Variants in VILL observed in about 807,000 individuals in gnomAD.
The protein encoded by VILL is villin like.
In VILL, 102 loss-of-function variants were observed where a neutral mutation model predicts 106.3. The ratio of observed to expected loss-of-function variants is 0.96; its 90% confidence interval spans 0.82 to 1.13. The LOEUF (loss-of-function observed/expected upper bound fraction) is 1.13, where lower values mean the gene tolerates loss of function less well. Ranked by LOEUF, VILL falls within the 50% of genes most tolerant of loss-of-function variation. The probability of loss-of-function intolerance (pLI) is 0.00; values close to 1 mark genes in which losing one functional copy is unlikely to be tolerated. For missense variants in VILL, 1,076 were observed against 1,116.6 expected (o/e 0.96, Z 0.52); for synonymous variants, 431 against 440.3 (o/e 0.98, Z 0.27).
intron 15 of VILL, 96 bp from the exon 16 acceptor site, chr3:38,004,159 G>T: frequency 6.6e-7 from 1 of 1,507,296 alleles, no homozygotes; most frequent in Non-Finnish European, 8.9e-7. Flanking sequence ...TCCCACTCCT[G>T]AGAAGTGGCT....
chr3:37,994,615 A>C, intron 4 of VILL, 149 bp downstream of exon 4: 1 of 823,540 alleles, frequency 1.2e-6, no homozygotes, highest in South Asian at 1.8e-5. Flanking sequence ...CTCATACGCC[A>C]TACGATTCAC....
Position 38,002,549 on chromosome 3 carries a change from A to G in VILL, c.1633A>G (p.Ser545Gly), listed in dbSNP as rs1482852028. 3.3e-5 allele frequency: 54 copies of G among 1,613,850 alleles called. No individual in the cohort carries two copies. Among genetic ancestry groups the G allele is most frequent in the Non-Finnish European group, 4.4e-5 (52 of 1,179,860 alleles). The change falls in exon 14 of 20, where the codon AGC becomes GGC. Residue 545 changes from serine (S) to glycine (G), a missense_variant. Transcript: ENST00000383759. ...TGACATCTTCTTGCTGGTCACAGCC[A>G]GCGTCTGCTACCTCTGGTTTGGGAA... is the stretch of plus-strand genomic sequence containing the variant. ...SSDIFLLVTA[S>G]VCYLWFGKGC...
chr3:37,999,913 C>T (rs1460582455), intron 11 of VILL, among the ~76,000 whole-genome samples: 2 of 152,228 alleles, frequency 1.3e-5, no homozygotes, highest in Non-Finnish European at 2.9e-5. Context: ...CCCCACACAC[C>T]CAACCCCAAT....
intron 14 of VILL, chr3:38,002,812 T>A: frequency 1.7e-6 from 1 of 572,826 alleles, no homozygotes; most frequent in Non-Finnish European, 3.0e-6. Flanking sequence ...CCCTCCTTAC[T>A]GCCTGGAGCA....
At chr3:37,989,814 G>A (rs1699588462), upstream of VILL, among the ~76,000 whole-genome samples, 1 of 152,154 alleles carries the variant, frequency 6.6e-6, no homozygotes, top group Non-Finnish European at 1.5e-5. Flanking sequence ...ACATGGGGAC[G>A]AGCCAAATGC....
rs745945922 is a variant in VILL at position 37,995,777 on chromosome 3, T to C, written c.380T>C (p.Val127Ala). 4 of 1,614,034 alleles carry C rather than the reference T, an allele frequency of 2.5e-6. No homozygotes were observed. Among genetic ancestry groups the C allele is most frequent in the Non-Finnish European group, 3.4e-6 (4 of 1,179,914 alleles). ...KGGLASDLKH[V>A]ETNLFNIQRL... ...GGCCTAGCATCTGACCTCAAGCATG[T>C]GGAGACCAACTTGTTCAACATCCAG... The change falls in exon 5 of 20, where the codon GTG becomes GCG. Residue 127 changes from valine to alanine, a missense_variant. Coordinates refer to ENST00000383759, the MANE Select transcript of VILL (RefSeq NM_015873.4).
chr3:37,993,835 C>T, intron 2 of VILL, 63 bp from the exon 3 acceptor site: 2 of 1,606,850 alleles, frequency 1.2e-6, no homozygotes, highest in Non-Finnish European at 1.7e-6. Context: ...TCTTCCACCC[C>T]ACCCCAGCGG....
intron 14 of VILL, 26 bp from the exon 15 acceptor site, chr3:38,003,142 G>A: frequency 6.2e-7 from 1 of 1,611,846 alleles, no homozygotes; most frequent in South Asian, 1.1e-5. Context: ...CTCATGCAGG[G>A]CCTGAGCCAT....
In VILL at chr3:37,998,277, C is replaced by T. The variant is rs537953386; in HGVS notation, c.855C>T (p.Ile285=). The part of the protein sequence containing the change: ...QDLLQEEDFY[I]LDQGGFKIYV... ...ACCCTTGCTCCCAGGACTTCTACAT[C>T]CTGGACCAGGGTGGCTTCAAGATCT... is the stretch of plus-strand genomic sequence containing the variant. Residue 285 remains isoleucine, a synonymous_variant, in exon 9 of 20, where the codon ATC becomes ATT. Transcript: ENST00000383759. This position sits in a 1 kb window ranked among gnomAD's most constrained non-coding sequence, Gnocchi z 4.1. 1 of 1,614,214 alleles carries T rather than the reference C, an allele frequency of 6.2e-7. No homozygotes were observed. Among genetic ancestry groups the T allele is most frequent in the East Asian group, 2.2e-5 (1 of 44,880 alleles).
chr3:38,003,053 T>C (rs953291334), intron 14 of VILL, 115 bp from the exon 15 acceptor site: 1 of 1,334,368 alleles, frequency 7.5e-7, no homozygotes. Flanking sequence ...GCTGTCAGCT[T>C]AGGCCTCCTG....
chr3:37,998,943 A>C lies in VILL; in HGVS notation c.974A>C (p.Tyr325Ser). 1 of 1,610,076 alleles carries C rather than the reference A, an allele frequency of 6.2e-7. No individual in the cohort carries two copies. The highest frequency in any genetic ancestry group is 1.7e-5 in the Admixed American group (1 of 59,890). Residue 325 changes from tyrosine (Y) to serine (S), a missense_variant, in exon 10 of 20, where the codon TAC (tyrosine) becomes TCC (serine). Tyr to Ser is a moderately radical substitution (Grantham distance 144, BLOSUM62 -2). Coordinates refer to ENST00000383759, the MANE Select transcript of VILL (RefSeq NM_015873.4). The surrounding 1 kb of genome is among the most constrained non-coding windows in gnomAD (Gnocchi z 4.1). ...ATCCAGGCCAAGGGCTACCCGACCT[A>C]CACCAACGTGGAGGTGGTGAACGAC... is the stretch of plus-strand genomic sequence containing the variant. ...GFIQAKGYPT[Y>S]TNVEVVNDGA...
chr3:38,001,904 G>C, intron 13 of VILL, 44 bp downstream of exon 13: 3 of 1,613,270 alleles, frequency 1.9e-6, no homozygotes, highest in Non-Finnish European at 2.5e-6. Context: ...GCCCAGTTCT[G>C]CATGGGCCAT....
chr3:38,002,353 C>G, intron 13 of VILL, 43 bp from the exon 14 acceptor site: 1 of 1,546,948 alleles, frequency 6.5e-7, no homozygotes, highest in Admixed American at 2.0e-5. Flanking sequence ...AGGAAGGCGC[C>G]CCTGGGAGCC....
At position 37,998,452 on chromosome 3, in the gene VILL, GA is replaced by G; in HGVS notation, c.942+90del. On this transcript the variant is annotated intron_variant, in intron 9 of 19. Transcript: ENST00000383759. The surrounding 1 kb of genome is among the most constrained non-coding windows in gnomAD (Gnocchi z 4.1). ...AGCTCCGCCCCAGGGTCTAAGGGAGGAATCAGCCCTCCCCTAGAGTTTGAGT... is the reference window on the plus strand; with the variant it reads ...AGCTCCGCCCCAGGGTCTAAGGGAGGATCAGCCCTCCCCTAGAGTTTGAGT... 8.3e-7 allele frequency: 1 copy of G among 1,204,226 alleles called. No homozygotes were observed. The highest frequency in any genetic ancestry group is 1.3e-5 in the South Asian group (1 of 78,318). The allele number at this position is 1,204,226 out of a possible 1,614,324, so 74.6% of individuals were successfully genotyped here.
rs1373892181 is a variant in VILL at position 37,998,861 on chromosome 3, T to C, written c.943-51T>C. On this transcript the variant is annotated intron_variant, in intron 9 of 19. Coordinates refer to ENST00000383759, the MANE Select transcript of VILL (RefSeq NM_015873.4). The surrounding 1 kb of genome is among the most constrained non-coding windows in gnomAD (Gnocchi z 4.1). ...AGCGGTAGGTCCCCAGGAGCGGCAG[T>C]GGGGCAGTGGACTCTCAGGGTCGCA... 1 of 1,552,750 alleles carries C rather than the reference T, an allele frequency of 6.4e-7. No individual in the cohort carries two copies. Among genetic ancestry groups the C allele is most frequent in the African/African-American group, 1.4e-5 (1 of 72,576 alleles).
At chr3:37,994,031 T>G (rs1699653972) in intron 3 of VILL, 59 bp downstream of exon 3, 4 of 1,594,712 alleles carry the variant, frequency 2.5e-6, no homozygotes, top group Non-Finnish European at 3.4e-6. Flanking sequence ...CTGGGGAGAC[T>G]GAGGCACAGG....
intron 4 of VILL, 83 bp downstream of exon 4, chr3:37,994,549 C>T: frequency 4.6e-6 from 7 of 1,517,116 alleles, no homozygotes; most frequent in Non-Finnish European, 6.2e-6. Context: ...CCATCGTCCA[C>T]ATCCCTGAAT....
rs1002656399 is a variant in VILL at position 38,006,293 on chromosome 3, G to A, written c.2205+41G>A. ...CCTAGCCTTCCCCACAGTGGCCTGG[G>A]CTCCGACAGCATGGTCCTGATGGGC... On this transcript the variant is annotated intron_variant, in intron 18 of 19. Coordinates refer to ENST00000383759, the MANE Select transcript of VILL (RefSeq NM_015873.4). 6.8e-6 allele frequency: 11 copies of A among 1,613,718 alleles called. No individual in the cohort carries two copies. The Admixed American group carries it at 1.3e-4, about 20-fold the overall frequency.
At chr3:37,989,361 G>A (rs903503791), upstream of VILL, among the ~76,000 whole-genome samples, 6 of 152,188 alleles carry the variant, frequency 3.9e-5, no homozygotes, top group East Asian at 1.9e-4. Flanking sequence ...AGACACTGGC[G>A]TTTCCATGCT....
Sources: allele counts gnomAD v4.1 joint callset (sites outside exome capture counted in the v4.1 genomes callset), GRCh38; gene constraint gnomAD v4.1.1; non-coding constraint Gnocchi (gnomAD v3.1); transcripts MANE v1.5; gene names NCBI Gene and HGNC (gene_info 2026-07-23, HGNC 2026-07-21).